The following PIK3R5 variants were observed in gnomAD, a reference collection of about 807,000 sequenced individuals.
The protein encoded by PIK3R5 is phosphoinositide-3-kinase regulatory subunit 5.
Under a neutral mutation model 94.9 loss-of-function variants are expected in PIK3R5, and 32 were observed. The observed-to-expected ratio is 0.34, with a 90% CI of 0.25 to 0.45. The LOEUF is 0.45. PIK3R5 is among the 20% of genes least tolerant of loss of function. The pLI, the probability that PIK3R5 is intolerant of heterozygous loss-of-function variation, is 1.00. For missense variants in PIK3R5, 853 were observed against 1,144.6 expected, an observed-to-expected ratio of 0.75 and a Z score of 3.68; for synonymous variants, 443 against 479.4, an observed-to-expected ratio of 0.92 and a Z score of 0.99.
chr17:8,887,648 A>C lies in PIK3R5; in HGVS notation c.1652T>G (p.Phe551Cys). The change falls in exon 11 of 19, where the codon TTC becomes TGC. Residue 551 changes from phenylalanine to cysteine, a missense_variant. Phe to Cys is a radical substitution (Grantham distance 205). Coordinates refer to ENST00000447110, the MANE Select transcript of PIK3R5 (RefSeq NM_001142633.3). The stretch of plus-strand genomic sequence containing the variant: ...CACGTAGAAGAACTGAAGTTTGAAG[A>C]ACCGTGTGAGGAGTGGGCGATTGTT... ...LENNRPLLTR[F>C]FKLQFFYVPV... 6.2e-7 allele frequency: 1 copy of C among 1,607,370 alleles called. No individual in the cohort carries two copies. The highest frequency in any genetic ancestry group is 8.5e-7 in the Non-Finnish European group (1 of 1,176,932).
chr17:8,946,468 A>G (rs1567669325), intron 1 of PIK3R5, among the ~76,000 whole-genome samples: 1 of 151,766 alleles, frequency 6.6e-6, no homozygotes, highest in Non-Finnish European at 1.5e-5. Flanking sequence ...GAAAACTACT[A>G]TGAGACAGCA....
rs61759567 is a variant in PIK3R5, at chr17:8,911,803, A to G, written c.-13-296T>C. On this transcript the variant is annotated intron_variant, in intron 1 of 18. Transcript: ENST00000447110. The surrounding 1 kb of genome is among the most constrained non-coding windows in gnomAD (Gnocchi z 5.3). Reference sequence around the variant, plus strand: ...GGTGGAAAGGGCACTGGGCAGTGGGAAGTGTCGCCAAGTACCCAGGGAGTG... The same window carrying G: ...GGTGGAAAGGGCACTGGGCAGTGGGGAGTGTCGCCAAGTACCCAGGGAGTG... 0.063 allele frequency: 11,788 copies of G among 188,266 alleles called. 341 individuals carry two copies. Among genetic ancestry groups the G allele is most frequent in the Non-Finnish European group, 0.08 (7,722 of 95,930 alleles). The allele number at this position is 188,266 out of a possible 1,614,324, so 11.7% of individuals were successfully genotyped here. A position where few individuals can be genotyped will look rare whatever the true frequency, so the allele number is the denominator to read the frequency against.
Position 8,886,246 on chromosome 17 carries a change from C to T in PIK3R5, c.2111G>A (p.Arg704His), listed in dbSNP as rs1056752687. 2.5e-6 allele frequency: 4 copies of T among 1,612,982 alleles called. No homozygotes were observed. Among genetic ancestry groups the T allele is most frequent in the Non-Finnish European group, 3.4e-6 (4 of 1,179,692 alleles). Reference sequence around the variant, plus strand: ...GTACCCACCTGACGCCTTGATGGCACGTGTGGCAGCGGAGTGACCCAGCTC... The same window carrying T: ...GTACCCACCTGACGCCTTGATGGCATGTGTGGCAGCGGAGTGACCCAGCTC... Reference protein sequence around the residue: ...SLELGHSAATRAIKASGPGSK... With the variant: ...SLELGHSAATHAIKASGPGSK... Residue 704 changes from arginine to histidine, a missense_variant, in exon 14 of 19, where the codon CGT (arginine) becomes CAT (histidine). Arg to His is a conservative substitution (Grantham distance 29). This residue lies in a region of PIK3R5 where 173 missense variants were observed against 274.1 expected (regional missense o/e 0.63). Transcript: ENST00000447110.
chr17:8,895,312 C>T (rs1367275076), intron 5 of PIK3R5, among the ~76,000 whole-genome samples: 1 of 152,170 alleles, frequency 6.6e-6, no homozygotes, highest in Non-Finnish European at 1.5e-5. Context: ...ATGCTTTTAA[C>T]ATTAACCCAC....
Position 8,889,253 on chromosome 17 carries a change from G to A in PIK3R5, c.812-31C>T. The A allele has an allele frequency of 6.4e-7, 1 of 1,558,456 alleles. No individual in the cohort carries two copies. The highest frequency in any genetic ancestry group is 8.8e-7 in the Non-Finnish European group (1 of 1,133,872). On this transcript the variant is annotated intron_variant, in intron 8 of 18. Transcript: ENST00000447110. This position sits in a 1 kb window ranked among gnomAD's most constrained non-coding sequence, Gnocchi z 4.1. The stretch of plus-strand genomic sequence containing the variant: ...AGAACAGGGAGGATAGGAGAAGAGG[G>A]CTGGGAAGAGGCCTTGGAGATTGGC...
Position 8,886,555 on chromosome 17 carries a change from C to T in PIK3R5, c.1956G>A (p.Leu652=). The change falls in exon 13 of 19, where the codon CTG becomes CTA. Residue 652 remains leucine (L), a synonymous_variant. Transcript: ENST00000447110. ...AGAGTAGCATGTCAGCCAGGATGGG[C>T]AGCTGGGTTGGGGAGCCCTCCAGGG... ...AQALEGSPTQ[L]PILADMLLYY... 1.9e-6 allele frequency: 3 copies of T among 1,612,194 alleles called. No individual in the cohort carries two copies. The highest frequency in any genetic ancestry group is 2.5e-6 in the Non-Finnish European group (3 of 1,179,068).
At chr17:8,946,838 T>G (rs1194607627) in intron 1 of PIK3R5, among the ~76,000 whole-genome samples, 2 of 152,078 alleles carry the variant, frequency 1.3e-5, no homozygotes, top group African/African-American at 4.8e-5. Context: ...CTTGTTTCCC[T>G]TCTTCTGTTC....
At position 8,887,537 on chromosome 17, in the gene PIK3R5, C is replaced by A. The variant is rs781675040; in HGVS notation, c.1763G>T (p.Arg588Met). Residue 588 changes from arginine to methionine, a missense_variant, in exon 11 of 19, where the codon AGG (arginine) becomes ATG (methionine). Around this residue, in one of 6 missense-constraint regions of PIK3R5, gnomAD observed 319 missense variants for 339.8 expected, o/e 0.94. Transcript: ENST00000447110. ...GGGACATACTCCAGGGCTGGCGTGC[C>A]TAGGGGAGTCTGTCGGGGGTGAGGG... ...QTPSPPTDSPRHASPGELGTT... is the reference protein window; with the variant it reads ...QTPSPPTDSPMHASPGELGTT... 1.2e-6 allele frequency: 2 copies of A among 1,606,816 alleles called. No individual in the cohort carries two copies. Among genetic ancestry groups the A allele is most frequent in the Admixed American group, 1.7e-5 (1 of 59,096 alleles).
chr17:8,899,650 C>G (rs1407198935), intron 5 of PIK3R5, among the ~76,000 whole-genome samples: 1 of 152,184 alleles, frequency 6.6e-6, no homozygotes, highest in Non-Finnish European at 1.5e-5. Context: ...TCAGCCTCTC[C>G]TTCAAGCATT....
At chr17:8,905,588 G>A in intron 4 of PIK3R5, 81 bp downstream of exon 4, 1 of 977,782 alleles carries the variant, frequency 1.0e-6, no homozygotes, top group East Asian at 2.8e-5. Flanking sequence ...TATCTCCAGA[G>A]GTGTGAGGGC....
At chr17:8,901,894 C>T (rs1178097902) in intron 5 of PIK3R5, among the ~76,000 whole-genome samples, 1 of 151,936 alleles carries the variant, frequency 6.6e-6, no homozygotes, top group Non-Finnish European at 1.5e-5. Flanking sequence ...CGTTGATGAA[C>T]GTCTTTGTTT....
rs1567628948 is a variant in PIK3R5, at chr17:8,880,455, T to A, written c.*184A>T. The A allele has an allele frequency of 6.4e-5, 35 of 547,280 alleles. 1 individual carries two copies. The South Asian group carries it at 1.0e-3, about 16-fold the overall frequency. The allele number at this position is 547,280 out of a possible 1,614,324, so 33.9% of individuals were successfully genotyped here. A position where few individuals can be genotyped will look rare whatever the true frequency, so the allele number is the denominator to read the frequency against. On this transcript the variant is annotated 3_prime_UTR_variant, in exon 19 of 19. Coordinates refer to ENST00000447110, the MANE Select transcript of PIK3R5 (RefSeq NM_001142633.3). ...CTGGCCCTTCTCTCTCTGATAGCTG[T>A]TGCTTTCCCAGAACCCTGAGGCCCC...
At chr17:8,938,795 T>C (rs189723130) in intron 1 of PIK3R5, among the ~76,000 whole-genome samples, 20 of 152,358 alleles carry the variant, frequency 1.3e-4, no homozygotes, top group Non-Finnish European at 2.2e-4. Context: ...TTCAAGTATA[T>C]ATTTGTAATT....
rs2089922312 is a variant in PIK3R5, at chr17:8,888,111, C to A, written c.1616+60G>T. On this transcript the variant is annotated intron_variant, in intron 10 of 18. Transcript: ENST00000447110. The surrounding 1 kb of genome is among the most constrained non-coding windows in gnomAD (Gnocchi z 7.8). ...GGCCCTAAGCCTCAGGCCCCAGATT[C>A]CACCAGCACAACAACCCTGTTACCC... 1 of 1,550,814 alleles carries A rather than the reference C, an allele frequency of 6.4e-7. No individual in the cohort carries two copies. Among genetic ancestry groups the A allele is most frequent in the African/African-American group, 1.4e-5 (1 of 73,596 alleles).
At chr17:8,934,288 A>T (rs1164944248) in intron 1 of PIK3R5, among the ~76,000 whole-genome samples, 1 of 152,268 alleles carries the variant, frequency 6.6e-6, no homozygotes, top group Non-Finnish European at 1.5e-5. Flanking sequence ...AATAACTACC[A>T]ATTTGAAAGT....
chr17:8,881,816 G>C lies in PIK3R5; in HGVS notation c.2271C>G (p.Asn757Lys), dbSNP rs1472596938. Residue 757 changes from asparagine to lysine, a missense_variant, in exon 16 of 19, where the codon AAC becomes AAG. Asn to Lys is a moderately conservative substitution (Grantham distance 94). Coordinates refer to ENST00000447110, the MANE Select transcript of PIK3R5 (RefSeq NM_001142633.3). The surrounding 1 kb of genome is among the most constrained non-coding windows in gnomAD (Gnocchi z 4.8). ...LEKVCTSVNL[N>K]KACRKQEELD... ...GCTCCTCCTGCTTCCGGCAGGCCTT[G>C]TTGAGGTTCACGGAGGTACAGACCT... The C allele has an allele frequency of 6.2e-7, 1 of 1,614,136 alleles. No individual in the cohort carries two copies. Among genetic ancestry groups the C allele is most frequent in the Non-Finnish European group, 8.5e-7 (1 of 1,179,992 alleles).
In PIK3R5 at chr17:8,890,664, T is replaced by G. The variant is rs1371214980; in HGVS notation, c.657+74A>C. ...CTAAGTGTACCCTGGAGACCGTGGC[T>G]GAGATGAAGCAGGGAGAGGGTGCTA... On this transcript the variant is annotated intron_variant, in intron 7 of 18. Transcript: ENST00000447110. The surrounding 1 kb of genome is among the most constrained non-coding windows in gnomAD (Gnocchi z 6.1). 188 of 1,319,784 alleles carry G rather than the reference T, an allele frequency of 1.4e-4. No homozygotes were observed. The highest frequency in any genetic ancestry group is 1.7e-4 in the Non-Finnish European group (162 of 958,710). The allele number at this position is 1,319,784 out of a possible 1,614,324, so 81.8% of individuals were successfully genotyped here.
chr17:8,922,067 T>A (rs1343486490), intron 1 of PIK3R5, among the ~76,000 whole-genome samples: 1 of 147,742 alleles, frequency 6.8e-6, no homozygotes, highest in Non-Finnish European at 1.5e-5. Flanking sequence ...CCTGTATAAC[T>A]CAACAACAAA....
intron 1 of PIK3R5, among the ~76,000 whole-genome samples, chr17:8,947,645 G>A (rs894318992): frequency 2.0e-5 from 3 of 152,202 alleles, no homozygotes; most frequent in Admixed American, 1.3e-4. Context: ...AAATGTGAAG[G>A]AGCCAGTGTG....
Sources: allele counts gnomAD v4.1 joint callset (sites outside exome capture counted in the v4.1 genomes callset), GRCh38; gene constraint gnomAD v4.1.1; regional missense constraint gnomAD v4.1.1; non-coding constraint Gnocchi (gnomAD v3.1); transcripts MANE v1.5; gene names NCBI Gene and HGNC (gene_info 2026-07-23, HGNC 2026-07-21).